The following ESRRB variants were observed in gnomAD, a reference collection of about 807,000 sequenced individuals.
The protein encoded by ESRRB is estrogen related receptor beta.
In ESRRB, 16 loss-of-function variants were observed where a neutral mutation model predicts 46.0. The ratio of observed to expected loss-of-function variants is 0.35; its 90% CI spans 0.24 to 0.53. The LOEUF is 0.53. Ranked by LOEUF, ESRRB falls within the 20% of genes least tolerant of loss-of-function variation. ESRRB has a pLI of 0.93. For missense variants in ESRRB, 488 were observed against 607.4 expected, an observed-to-expected ratio of 0.80 and a Z score of 2.07; for synonymous variants, 246 against 259.6, an observed-to-expected ratio of 0.95 and a Z score of 0.50.
At chr14:76,435,119 C>T (rs1398809370) in intron 1 of ESRRB, among the ~76,000 whole-genome samples, 1 of 152,164 alleles carries the variant, frequency 6.6e-6, no homozygotes, top group East Asian at 1.9e-4. Context: ...GCAGCTGGGG[C>T]CTGATGGGCA....
At chr14:76,481,701 C>T (rs1889811300) in intron 3 of ESRRB, among the ~76,000 whole-genome samples, 1 of 152,190 alleles carries the variant, frequency 6.6e-6, no homozygotes, top group Non-Finnish European at 1.5e-5. Flanking sequence ...TGACTTCTTC[C>T]GCCAACACTT....
intron 1 of ESRRB, among the ~76,000 whole-genome samples, chr14:76,315,207 C>T (rs1476663686): frequency 6.6e-6 from 1 of 152,134 alleles, no homozygotes; most frequent in African/African-American, 2.4e-5. Context: ...GGGGCACCTT[C>T]TCCCTTTTCC....
chr14:76,473,189 T>C (rs1037996528), intron 3 of ESRRB, among the ~76,000 whole-genome samples: 2 of 152,228 alleles, frequency 1.3e-5, no homozygotes, highest in African/African-American at 4.8e-5. Flanking sequence ...CTTCAGATCT[T>C]GCATGGAACT....
chr14:76,464,255 G>T (rs974402694), intron 3 of ESRRB, among the ~76,000 whole-genome samples: 8 of 152,184 alleles, frequency 5.3e-5, no homozygotes, highest in Non-Finnish European at 7.4e-5. Flanking sequence ...GAGGGGGAAG[G>T]CTAGGAGTGG....
rs1491265419 is a variant in ESRRB at position 76,333,141 on chromosome 14, ATT to A, written c.2+22226_2+22227del. Among the ~76,000 whole-genome samples, 6 of 6,564 alleles carry A rather than the reference ATT, an allele frequency of 9.1e-4. 2 individuals are homozygous for A. Among genetic ancestry groups the A allele is most frequent in the Non-Finnish European group, 1.5e-3 (5 of 3,428 alleles). 4.3% of individuals were successfully genotyped at this position (6,564 alleles called of 152,430 possible). A position where few individuals can be genotyped will look rare whatever the true frequency, so the allele number is the denominator to read the frequency against. ...ATAATATATATATTATATATTATAT[ATT>A]ATATATTATATATAATATATATTAT... On this transcript the variant is annotated intron_variant, in intron 1 of 6. Coordinates refer to the ESRRB transcript ENST00000512784.
intron 6 of ESRRB, among the ~76,000 whole-genome samples, chr14:76,492,985 A>G (rs79993060): frequency 0.012 from 1,846 of 152,264 alleles, 47 homozygotes; most frequent in African/African-American, 0.042. Flanking sequence ...AATCACACAC[A>G]TAATTCTGTT....
At chr14:76,419,838 C>T (rs1886865323) in intron 1 of ESRRB, among the ~76,000 whole-genome samples, 1 of 152,112 alleles carries the variant, frequency 6.6e-6, no homozygotes, top group Admixed American at 6.5e-5. Flanking sequence ...TGTGCCCCTT[C>T]CAGTTTAGGC....
At chr14:76,367,446 C>G (rs1380891595), upstream of ESRRB, among the ~76,000 whole-genome samples, 1 of 151,758 alleles carries the variant, frequency 6.6e-6, no homozygotes, top group Non-Finnish European at 1.5e-5. Context: ...AGTCCCAGCT[C>G]TCCAGGAGGC....
intron 1 of ESRRB, among the ~76,000 whole-genome samples, chr14:76,319,857 A>G (rs1349887992): frequency 6.6e-6 from 1 of 152,188 alleles, no homozygotes; most frequent in African/African-American, 2.4e-5. Flanking sequence ...CGGGGCAGTC[A>G]GCAGCATGGC....
intron 1 of ESRRB, among the ~76,000 whole-genome samples, chr14:76,385,790 A>T (rs534998429): frequency 4.1e-4 from 62 of 152,316 alleles, no homozygotes; most frequent in African/African-American, 1.5e-3. Context: ...GATGGGATGG[A>T]GTCCTTCTTG....
chr14:76,351,331 CT>C (rs1884310913), intron 1 of ESRRB, among the ~76,000 whole-genome samples: 1 of 152,148 alleles, frequency 6.6e-6, no homozygotes, highest in Admixed American at 6.5e-5. Flanking sequence ...GCCATGCCCC[CT>C]ATAAAACCCT....
intron 1 of ESRRB, among the ~76,000 whole-genome samples, chr14:76,390,316 C>T (rs1595071890): frequency 2.6e-5 from 4 of 152,186 alleles, no homozygotes; most frequent in African/African-American, 9.6e-5. Flanking sequence ...TGGTGAAACC[C>T]CATCTCTATT....
intron 2 of ESRRB, among the ~76,000 whole-genome samples, chr14:76,442,962 T>C (rs2139942138): frequency 6.6e-6 from 1 of 151,718 alleles, no homozygotes; most frequent in South Asian, 2.1e-4. Flanking sequence ...TTACAGGTGC[T>C]GGCCACAACA....
intron 1 of ESRRB, among the ~76,000 whole-genome samples, chr14:76,388,274 G>A (rs1022028654): frequency 6.0e-5 from 9 of 150,802 alleles, no homozygotes; most frequent in Non-Finnish European, 1.3e-4. Context: ...TGCCTCCCAG[G>A]TTCACGCCGT....
chr14:76,496,205 G>A (rs1000185264), intron 6 of ESRRB, among the ~76,000 whole-genome samples: 1 of 152,226 alleles, frequency 6.6e-6, no homozygotes, highest in East Asian at 1.9e-4. Flanking sequence ...GGGTGGCCTG[G>A]GGAAGAGGAG....
At chr14:76,447,881 C>T (rs8007230) in intron 2 of ESRRB, among the ~76,000 whole-genome samples, 8,496 of 152,156 alleles carry the variant, frequency 0.056, 803 homozygotes, top group African/African-American at 0.2. Context: ...CAGGCTCGGC[C>T]GTTCCCAGCC....
intron 1 of ESRRB, among the ~76,000 whole-genome samples, chr14:76,402,323 C>T (rs980863855): frequency 2.0e-5 from 3 of 152,202 alleles, no homozygotes; most frequent in Non-Finnish European, 4.4e-5. Context: ...TCTTGTAAAC[C>T]ATGGCCCTGT....
intron 1 of ESRRB, among the ~76,000 whole-genome samples, chr14:76,415,976 C>T (rs28522269): frequency 0.13 from 19,125 of 152,146 alleles, 1,338 homozygotes; most frequent in East Asian, 0.19. Flanking sequence ...AAACCTTATC[C>T]TCTTTACACA....
rs145659440 is a variant in ESRRB at position 76,470,251 on chromosome 14, C to T, written c.577+7590C>T. On this transcript the variant is annotated intron_variant, in intron 3 of 6. Coordinates refer to ENST00000644823, the MANE Select transcript of ESRRB (RefSeq NM_001379180.1). ...AGGCATGAGCTACTGCTCCAGGCCACGCTAGGCTTCTAAAAGAAGGAGACT... is the reference window on the plus strand; with the variant it reads ...AGGCATGAGCTACTGCTCCAGGCCATGCTAGGCTTCTAAAAGAAGGAGACT... 2.7e-3 allele frequency among the ~76,000 whole-genome samples: 409 copies of T among 152,288 alleles called. 6 individuals are homozygous for T. Among genetic ancestry groups the T allele is most frequent in the African/African-American group, 9.1e-3 (379 of 41,572 alleles).
Sources: allele counts gnomAD v4.1 joint callset (sites outside exome capture counted in the v4.1 genomes callset), GRCh38; gene constraint gnomAD v4.1.1; transcripts MANE v1.5; gene names NCBI Gene and HGNC (gene_info 2026-07-23, HGNC 2026-07-21).